The following ROBO2 variants were observed in gnomAD, a reference collection of about 807,000 sequenced individuals.
ROBO2 encodes the protein roundabout guidance receptor 2.
A neutral mutation model predicts 160.8 loss-of-function variants in ROBO2; 53 were observed. That is an observed-to-expected ratio of 0.33 (90% confidence interval 0.26 to 0.41). The LOEUF (loss-of-function observed/expected upper bound fraction) is 0.41. Among genes scored for constraint, ROBO2 ranks in the 10% least tolerant of loss-of-function variants. ROBO2 has a pLI of 1.00. For synonymous variants in ROBO2, 664 were observed against 611.7 expected (o/e 1.09, Z -1.26); for missense variants, 1,577 against 1,722.4 (o/e 0.92, Z 1.49).
intron 2 of ROBO2, among the ~76,000 whole-genome samples, chr3:76,300,246 C>T (rs1271692294): frequency 6.6e-6 from 1 of 151,764 alleles, no homozygotes; most frequent in African/African-American, 2.4e-5. Flanking sequence ...ACTTCAATGG[C>T]AAGCTGTGGC....
chr3:76,234,163 A>G (rs1027573638), intron 2 of ROBO2, among the ~76,000 whole-genome samples: 1 of 152,172 alleles, frequency 6.6e-6, no homozygotes, highest in African/African-American at 2.4e-5. Flanking sequence ...CATTCTCTTC[A>G]TGGTTGCATA....
intron 2 of ROBO2, among the ~76,000 whole-genome samples, chr3:77,426,127 T>C (rs1471348041): frequency 6.6e-6 from 1 of 152,154 alleles, no homozygotes; most frequent in African/African-American, 2.4e-5. Context: ...GTCGTTCAGC[T>C]GTCCAGACAA....
rs540312290 is a variant in ROBO2, at chr3:76,118,980, T to A, written c.109+181378T>A. ...GCAATGTTTTTCTTATAGAAAATCA[T>A]CTAGCTGTAGGTAAAGATCTTCTTC... On this transcript the variant is annotated intron_variant, in intron 2 of 26. Transcript: ENST00000487694. Among the ~76,000 whole-genome samples, 4 of 152,306 alleles carry A rather than the reference T, an allele frequency of 2.6e-5. No homozygotes were observed. In the South Asian group the frequency reaches 8.3e-4, roughly 32 times the overall value.
At chr3:76,304,747 C>CTTCTTTCTTTCTTTCTTTCT (rs1222058179) in intron 2 of ROBO2, among the ~76,000 whole-genome samples, 101 of 101,682 alleles carry the variant, frequency 9.9e-4, no homozygotes, top group Non-Finnish European at 1.0e-3. Context: ...CTTTTCTTTC[C>CTTCTTTCTTTCTTTCTTTCT]TTCTTTCTTT....
chr3:76,614,259 A>G (rs2088383737), intron 2 of ROBO2, among the ~76,000 whole-genome samples: 1 of 152,114 alleles, frequency 6.6e-6, no homozygotes, highest in South Asian at 2.1e-4. Flanking sequence ...AATGGATCTA[A>G]ATCCCTGTAT....
rs530902138 is a variant in ROBO2 at position 77,132,257 on chromosome 3, TTTGA to T, written c.388+33920_388+33923del. Among the ~76,000 whole-genome samples the T allele has an allele frequency of 2.6e-5, 4 of 152,194 alleles. No individual in the cohort carries two copies. In the South Asian group the frequency reaches 8.3e-4, roughly 32 times the overall value. On this transcript the variant is annotated intron_variant, in intron 2 of 25. Transcript: ENST00000461745. The stretch of plus-strand genomic sequence containing the variant: ...TGTATGTCAGAAGATTTATTGTAGT[TTTGA>T]TTTCTCTGAGCCAAGAGACAGAGTA...
intron 2 of ROBO2, among the ~76,000 whole-genome samples, chr3:76,601,893 G>A (rs1004440019): frequency 7.9e-5 from 12 of 152,136 alleles, no homozygotes; most frequent in East Asian, 1.9e-4. Context: ...TTTTAGGTTC[G>A]GCTTCCTGTA....
At chr3:77,575,039 G>C (rs1183080406) in intron 14 of ROBO2, among the ~76,000 whole-genome samples, 2 of 151,668 alleles carry the variant, frequency 1.3e-5, no homozygotes, top group African/African-American at 4.8e-5. Context: ...ATGAAAGACA[G>C]ACGACTGGAA....
intron 2 of ROBO2, among the ~76,000 whole-genome samples, chr3:77,013,007 C>T (rs915281549): frequency 1.3e-5 from 2 of 152,082 alleles, no homozygotes; most frequent in Non-Finnish European, 2.9e-5. Context: ...TAATTTTGAT[C>T]TTGACTCATT....
At chr3:77,148,347 T>G (rs1348204986) in intron 2 of ROBO2, among the ~76,000 whole-genome samples, 1 of 152,188 alleles carries the variant, frequency 6.6e-6, no homozygotes, top group Admixed American at 6.5e-5. Context: ...TTTCATTGCT[T>G]CTTATTTACA....
At chr3:76,329,672 C>T (rs1187397348) in intron 2 of ROBO2, among the ~76,000 whole-genome samples, 1 of 152,164 alleles carries the variant, frequency 6.6e-6, no homozygotes, top group South Asian at 2.1e-4. Context: ...CGTTTTGGCA[C>T]GCTCAGCAAG....
chr3:77,341,229 A>G (rs946352393), intron 2 of ROBO2, among the ~76,000 whole-genome samples: 3 of 152,072 alleles, frequency 2.0e-5, no homozygotes, highest in East Asian at 3.9e-4. Context: ...GTACTAGCAT[A>G]TAAGAGGTTA....
chr3:75,999,301 G>A lies in ROBO2; in HGVS notation c.109+61699G>A, dbSNP rs531054432. 6.6e-5 allele frequency among the ~76,000 whole-genome samples: 10 copies of A among 152,198 alleles called. No homozygotes were observed. The South Asian group carries it at 1.9e-3, about 28-fold the overall frequency. On this transcript the variant is annotated intron_variant, in intron 2 of 26. Coordinates refer to the ROBO2 transcript ENST00000487694. ...AACAATTGTTACATTTTTTATGACT[G>A]TTCTAAGTTAGAATCTCTACAAGTC... is the stretch of plus-strand genomic sequence containing the variant.
chr3:77,285,389 T>TA (rs1254484276), intron 2 of ROBO2, among the ~76,000 whole-genome samples: 5 of 152,134 alleles, frequency 3.3e-5, no homozygotes, highest in South Asian at 2.1e-4. Flanking sequence ...TTCAGAGCCA[T>TA]AAAAAAACCG....
chr3:76,576,913 A>G (rs2085345787), intron 2 of ROBO2, among the ~76,000 whole-genome samples: 1 of 151,988 alleles, frequency 6.6e-6, no homozygotes, highest in Non-Finnish European at 1.5e-5. Flanking sequence ...TCACATTTCC[A>G]GGGACACTAT....
At chr3:76,812,135 A>C (rs949555031) in intron 2 of ROBO2, among the ~76,000 whole-genome samples, 8 of 151,898 alleles carry the variant, frequency 5.3e-5, no homozygotes, top group African/African-American at 1.4e-4. Context: ...AGCCTCCCAA[A>C]GTGCTAGGAT....
chr3:76,998,342 AC>A (rs1411377961), intron 2 of ROBO2, among the ~76,000 whole-genome samples: 2 of 152,126 alleles, frequency 1.3e-5, no homozygotes, highest in Non-Finnish European at 2.9e-5. Flanking sequence ...TAAAACATTA[AC>A]CCAAGAAAGA....
At chr3:76,935,720 G>A (rs549794595) in intron 2 of ROBO2, among the ~76,000 whole-genome samples, 1 of 152,298 alleles carries the variant, frequency 6.6e-6, no homozygotes, top group South Asian at 2.1e-4. Context: ...CATAGTGAAA[G>A]TGTAAAACAG....
chr3:76,741,343 C>T (rs17014627), intron 2 of ROBO2, among the ~76,000 whole-genome samples: 2,750 of 152,010 alleles, frequency 0.018, 69 homozygotes, highest in African/African-American at 0.058. Context: ...AATGGAACAT[C>T]CAAAGTTTTA....
Sources: gnomAD v4.1 joint callset for allele counts (sites outside exome capture counted in the v4.1 genomes callset) on GRCh38, gnomAD v4.1.1 for gene constraint, MANE v1.5 for transcripts, NCBI Gene and HGNC (gene_info 2026-07-23, HGNC 2026-07-21) for gene names.